Variants in BDP1 observed in about 807,000 individuals in gnomAD.
BDP1 encodes transcription factor TFIIIB component B'' homolog.
A neutral mutation model predicts 266.6 loss-of-function variants in BDP1; 169 were observed. The observed-to-expected ratio is 0.63, with a 90% CI of 0.56 to 0.72. The LOEUF (loss-of-function observed/expected upper bound fraction) is 0.72. BDP1 is among the 30% of genes least tolerant of loss of function. BDP1 has a pLI of 0.00. For synonymous variants in BDP1, 1,090 were observed against 1,022.4 expected (o/e 1.07, Z -1.26); for missense variants, 3,015 against 3,053.8 (o/e 0.99, Z 0.30).
At chr5:71,463,917 T>G (rs1328172259) in intron 3 of BDP1, 141 bp from the exon 4 acceptor site, 5 of 521,946 alleles carry the variant, frequency 9.6e-6, no homozygotes, top group Non-Finnish European at 1.4e-5. Context: ...AGTTGATTGT[T>G]GGATTGTACT....
chr5:71,481,428 G>A (rs1762962344), intron 7 of BDP1, among the ~76,000 whole-genome samples: 1 of 148,188 alleles, frequency 6.7e-6, no homozygotes, highest in Non-Finnish European at 1.5e-5. Context: ...CAGGCTTGGT[G>A]GCACACGTCC....
In BDP1 at chr5:71,467,441, C is replaced by T. The variant is rs1431205570; in HGVS notation, c.873C>T (p.Tyr291=). ...TTGAGCGCGGTTCTACAACTACATACTCCAGCTTTAGGAAAAACTATTACT... is the reference window on the plus strand; with the variant it reads ...TTGAGCGCGGTTCTACAACTACATATTCCAGCTTTAGGAAAAACTATTACT... The part of the protein sequence containing the change: ...PIFERGSTTT[Y]SSFRKNYYSK... The change falls in exon 6 of 39, where the codon TAC becomes TAT. Residue 291 remains tyrosine, a synonymous_variant. Transcript: ENST00000358731. 11 of 1,609,936 alleles carry T rather than the reference C, an allele frequency of 6.8e-6. No homozygotes were observed. Among genetic ancestry groups the T allele is most frequent in the Non-Finnish European group, 7.6e-6 (9 of 1,176,578 alleles).
At chr5:71,475,731 T>G (rs1047174213) in intron 7 of BDP1, 1 of 154,464 alleles carries the variant, frequency 6.5e-6, no homozygotes, top group Non-Finnish European at 1.4e-5. Context: ...ATCTTGATTT[T>G]CAAAAGTAGC....
intron 27 of BDP1, 142 bp from the exon 28 acceptor site, chr5:71,539,415 G>T (rs1766821251): frequency 3.1e-6 from 2 of 635,600 alleles, no homozygotes; most frequent in Non-Finnish European, 2.7e-6. Flanking sequence ...CTGAACAAAA[G>T]ACTACCTTAG....
In BDP1 at chr5:71,509,856, A is replaced by G. The variant is rs181454153; in HGVS notation, c.2764A>G (p.Thr922Ala). 1.7e-5 allele frequency: 28 copies of G among 1,614,162 alleles called. No individual in the cohort carries two copies. The African/African-American group carries it at 3.6e-4, about 21-fold the overall frequency. The change falls in exon 17 of 39, where the codon ACT becomes GCT. Residue 922 changes from threonine to alanine, a missense_variant. This residue lies in a region of BDP1 where 2,383 missense variants were observed against 2,404.9 expected (regional missense o/e 0.99). Transcript: ENST00000358731. ...GAAGACGCCAGAGGTGATTGATGCCACTGAGGAAATAGACAAAGATTTGGA... is the reference window on the plus strand; with the variant it reads ...GAAGACGCCAGAGGTGATTGATGCCGCTGAGGAAATAGACAAAGATTTGGA... The part of the protein sequence containing the change: ...REKTPEVIDA[T>A]EEIDKDLEEA...
intron 7 of BDP1, among the ~76,000 whole-genome samples, chr5:71,480,514 CCTA>C: frequency 6.6e-6 from 1 of 151,746 alleles, no homozygotes; most frequent in South Asian, 2.1e-4. Context: ...AAGTGATCCA[CCTA>C]TCTTGGCCTC....
chr5:71,522,630 T>A, intron 23 of BDP1, 126 bp from the exon 24 acceptor site: 1 of 1,197,132 alleles, frequency 8.4e-7, no homozygotes, highest in Non-Finnish European at 1.2e-6. Flanking sequence ...TCTAGTGTTG[T>A]AAAAGATGAG....
At chr5:71,479,171 T>C (rs1027871765) in intron 7 of BDP1, among the ~76,000 whole-genome samples, 2 of 151,804 alleles carry the variant, frequency 1.3e-5, no homozygotes, top group Non-Finnish European at 2.9e-5. Context: ...GCCTCCCGAG[T>C]AGCTGGGACC....
intron 16 of BDP1, among the ~76,000 whole-genome samples, chr5:71,508,753 A>G (rs530535801): frequency 1.7e-4 from 26 of 152,288 alleles, no homozygotes; most frequent in African/African-American, 5.8e-4. Context: ...TATTGATTTT[A>G]CCATCTATTA....
chr5:71,518,452 T>C (rs1765333029), intron 22 of BDP1, among the ~76,000 whole-genome samples: 1 of 152,164 alleles, frequency 6.6e-6, no homozygotes, highest in African/African-American at 2.4e-5. Context: ...TTTCTTTTTA[T>C]TATATTTACT....
chr5:71,518,853 T>TTTTG (rs1765353559), intron 22 of BDP1, among the ~76,000 whole-genome samples: 1 of 138,574 alleles, frequency 7.2e-6, no homozygotes, highest in African/African-American at 2.5e-5. Flanking sequence ...TTTTTTTTTT[T>TTTTG]GGAGACAGAG....
Position 71,456,005 on chromosome 5 carries a change from C to CT in BDP1, c.129dup (p.Ala44CysfsTer26). 1 of 1,613,654 alleles carries CT rather than the reference C, an allele frequency of 6.2e-7. No homozygotes were observed. The highest frequency in any genetic ancestry group is 8.5e-7 in the Non-Finnish European group (1 of 1,180,012). ...AGGCCGCCGGATCCTGCCACGGACT[C>CT]TGCTTCCAAGCCCGCGGAGCCCACA... On this transcript the variant is annotated frameshift_variant, in exon 1 of 39. Coordinates refer to ENST00000358731, the MANE Select transcript of BDP1 (RefSeq NM_018429.3). LOFTEE classifies it high-confidence loss of function.
chr5:71,468,983 T>C (rs4703986), intron 6 of BDP1, among the ~76,000 whole-genome samples: 67,619 of 152,068 alleles, frequency 0.44, 15,418 homozygotes, highest in South Asian at 0.55. Context: ...TAGATAAATA[T>C]GCTGTTAAAA....
intron 37 of BDP1, among the ~76,000 whole-genome samples, chr5:71,562,029 C>T (rs572322853): frequency 2.6e-5 from 4 of 151,772 alleles, no homozygotes; most frequent in South Asian, 2.1e-4. Flanking sequence ...CAGATGACGA[C>T]GTCAGGAGTT....
At position 71,505,312 on chromosome 5, in the gene BDP1, T is replaced by C. The variant is rs146593455; in HGVS notation, c.2372+561T>C. 7.0e-3 allele frequency among the ~76,000 whole-genome samples: 1,063 copies of C among 152,358 alleles called. 11 individuals are homozygous for C. Among genetic ancestry groups the C allele is most frequent in the African/African-American group, 0.023 (960 of 41,578 alleles). On this transcript the variant is annotated intron_variant, in intron 16 of 38. Coordinates refer to ENST00000358731, the MANE Select transcript of BDP1 (RefSeq NM_018429.3). ...GTGAGCCATCACACCCAGCCAGCTT[T>C]ATCACTTAACATGCATATTGAAATA...
intron 5 of BDP1, among the ~76,000 whole-genome samples, chr5:71,466,901 T>C (rs959938767): frequency 1.3e-5 from 2 of 152,222 alleles, no homozygotes; most frequent in Admixed American, 1.3e-4. Context: ...TTTTGTGTGC[T>C]ATTTTCCATT....
At chr5:71,475,804 T>C (rs1342090432) in intron 7 of BDP1, 1 of 153,934 alleles carries the variant, frequency 6.5e-6, no homozygotes, top group African/African-American at 2.4e-5. Context: ...TAACTTCATA[T>C]TGCCAGTGAT....
chr5:71,558,488 C>T (rs1387384386), intron 36 of BDP1, among the ~76,000 whole-genome samples: 5 of 151,728 alleles, frequency 3.3e-5, no homozygotes, highest in East Asian at 1.9e-4. Flanking sequence ...CGCCATTGCA[C>T]GCCAGCCTGG....
In BDP1 at chr5:71,566,729, C is replaced by G. The variant is rs1319750718; in HGVS notation, c.*1844C>G. 6.6e-6 allele frequency: 1 copy of G among 152,174 alleles called. No individual in the cohort carries two copies. Among genetic ancestry groups the G allele is most frequent in the Non-Finnish European group, 1.5e-5 (1 of 68,034 alleles). 9.4% of individuals were successfully genotyped at this position (152,174 alleles called of 1,614,324 possible). On this transcript the variant is annotated 3_prime_UTR_variant, in exon 39 of 39. Transcript: ENST00000358731. ...ACATTAGGCCCCAAATTTTCTTACC[C>G]TGAGGTGCTGATATCTGTATGGATG... is the stretch of plus-strand genomic sequence containing the variant.
Sources: gnomAD v4.1 joint callset for allele counts (sites outside exome capture counted in the v4.1 genomes callset) on GRCh38, gnomAD v4.1.1 for gene constraint, gnomAD v4.1.1 regional missense constraint, MANE v1.5 for transcripts, NCBI Gene and HGNC (gene_info 2026-07-23, HGNC 2026-07-21) for gene names.